Variants in KCNT2 observed in about 807,000 individuals in gnomAD.
KCNT2 encodes the protein potassium channel subfamily T member 2.
KCNT2 carries 67 observed loss-of-function variants against 153.8 expected under a neutral mutation model. The observed-to-expected ratio is 0.44, with a 90% CI of 0.36 to 0.53. The LOEUF (loss-of-function observed/expected upper bound fraction) is 0.53. Among genes scored for constraint, KCNT2 ranks in the 20% least tolerant of loss-of-function variants. KCNT2 has a pLI of 0.00. For missense variants in KCNT2, 975 were observed against 1,354.8 expected, an observed-to-expected ratio of 0.72 and a Z score of 4.40; for synonymous variants, 500 against 458.8, an observed-to-expected ratio of 1.09 and a Z score of -1.15.
Position 196,258,478 on chromosome 1 carries a change from C to A in KCNT2, c.2927G>T (p.Ser976Ile). 6.3e-7 allele frequency: 1 copy of A among 1,585,548 alleles called. No individual in the cohort carries two copies. Among genetic ancestry groups the A allele is most frequent in the Non-Finnish European group, 8.6e-7 (1 of 1,158,384 alleles). The change falls in exon 26 of 28, where the codon AGT (serine) becomes ATT (isoleucine). Residue 976 changes from serine to isoleucine, a missense_variant. Physicochemically the swap from Ser to Ile is moderately radical, Grantham distance 142. Coordinates refer to ENST00000294725, the MANE Select transcript of KCNT2 (RefSeq NM_198503.5). ...TTTGGTGTCTTCCCACTCTTCTACA[C>A]TGATAGATATTTGAGACTTTAAAGG... ...LTTSESQISI[S>I]VEEWEDTKDS...
chr1:196,271,215 T>C (rs1192417383), intron 25 of KCNT2, among the ~76,000 whole-genome samples: 2 of 152,078 alleles, frequency 1.3e-5, no homozygotes, highest in African/African-American at 4.8e-5. Flanking sequence ...CTTATGTAAA[T>C]AGTCTATCTA....
intron 1 of KCNT2, among the ~76,000 whole-genome samples, chr1:196,494,960 T>C (rs1175495559): frequency 6.6e-6 from 1 of 151,298 alleles, no homozygotes; most frequent in Non-Finnish European, 1.5e-5. Flanking sequence ...GACAACAGCA[T>C]GCGAGCCACT....
At chr1:196,260,767 G>C (rs936434866) in intron 25 of KCNT2, among the ~76,000 whole-genome samples, 17 of 151,678 alleles carry the variant, frequency 1.1e-4, no homozygotes, top group African/African-American at 4.1e-4. Flanking sequence ...TTTGAGTTCT[G>C]TTTTGAATGT....
At chr1:196,313,976 G>A (rs1189457085) in intron 21 of KCNT2, among the ~76,000 whole-genome samples, 1 of 151,438 alleles carries the variant, frequency 6.6e-6, no homozygotes, top group African/African-American at 2.4e-5. Flanking sequence ...TCAACAAGTG[G>A]TAATCACATC....
rs80000534 is a variant in KCNT2 at position 196,607,890 on chromosome 1, C to T, written c.95+325G>A. 7.1e-3 allele frequency among the ~76,000 whole-genome samples: 1,080 copies of T among 152,240 alleles called. 9 individuals are homozygous for T. The highest frequency in any genetic ancestry group is 0.025 in the African/African-American group (1,035 of 41,542). ...ATTTTCTGGAAATGATATTGCATAC[C>T]ATTTGGGTGTATTGTACCTCTGATA... On this transcript the variant is annotated intron_variant, in intron 1 of 27. Coordinates refer to ENST00000294725, the MANE Select transcript of KCNT2 (RefSeq NM_198503.5).
intron 1 of KCNT2, among the ~76,000 whole-genome samples, chr1:196,568,848 C>A (rs1186852754): frequency 6.6e-6 from 1 of 151,662 alleles, no homozygotes; most frequent in East Asian, 1.9e-4. Context: ...TGAATGCATG[C>A]CAGAAAGACA....
chr1:196,514,647 T>C (rs1681904270), intron 1 of KCNT2, among the ~76,000 whole-genome samples: 1 of 152,214 alleles, frequency 6.6e-6, no homozygotes, highest in Non-Finnish European at 1.5e-5. Flanking sequence ...TTTAAATGTG[T>C]TGCATTTGTA....
At chr1:196,420,923 C>A (rs543313680) in intron 12 of KCNT2, among the ~76,000 whole-genome samples, 1 of 152,152 alleles carries the variant, frequency 6.6e-6, no homozygotes, top group Non-Finnish European at 1.5e-5. Flanking sequence ...TGGATATGTA[C>A]AGGGGTTCAA....
chr1:196,430,233 C>T (rs1468892330), intron 8 of KCNT2, among the ~76,000 whole-genome samples: 1 of 151,698 alleles, frequency 6.6e-6, no homozygotes. Flanking sequence ...TGAATGCTGT[C>T]CCCTCCAAAA....
chr1:196,386,533 C>T (rs1232729068), intron 13 of KCNT2, among the ~76,000 whole-genome samples: 1 of 151,950 alleles, frequency 6.6e-6, no homozygotes, highest in Non-Finnish European at 1.5e-5. Context: ...TTCTTTCTAC[C>T]AAAGGGCAAA....
At position 196,315,916 on chromosome 1, in the gene KCNT2, A is replaced by G. The variant is rs1662668587; in HGVS notation, c.2459T>C (p.Ile820Thr). 1.2e-6 allele frequency: 2 copies of G among 1,607,746 alleles called. No individual in the cohort carries two copies. The highest frequency in any genetic ancestry group is 8.5e-7 in the Non-Finnish European group (1 of 1,176,584). ...EEDYMADAKTIVNVQTLFRLF... is the reference protein window; with the variant it reads ...EEDYMADAKTTVNVQTLFRLF... ...CCTGAAGAGTGTCTGCACGTTCACA[A>G]TGGTTTTGGCATCTGCCATGTAGTC... is the stretch of plus-strand genomic sequence containing the variant. Residue 820 changes from isoleucine to threonine, a missense_variant, in exon 21 of 28, where the codon ATT (isoleucine) becomes ACT (threonine). By Grantham distance (89) the Ile-to-Thr change is moderately conservative (BLOSUM62 -1). Coordinates refer to ENST00000294725, the MANE Select transcript of KCNT2 (RefSeq NM_198503.5).
intron 1 of KCNT2, among the ~76,000 whole-genome samples, chr1:196,537,495 T>C (rs573872076): frequency 6.6e-6 from 1 of 152,180 alleles, no homozygotes; most frequent in South Asian, 2.1e-4. Flanking sequence ...CCAGCACTCG[T>C]GGTATGTTGG....
chr1:196,576,582 CAT>C (rs958915192), intron 1 of KCNT2, among the ~76,000 whole-genome samples: 2 of 151,866 alleles, frequency 1.3e-5, no homozygotes, highest in African/African-American at 4.8e-5. Context: ...TATGAATAAA[CAT>C]ATGTATTTCA....
In KCNT2 at chr1:196,316,916, G is replaced by A. The variant is rs1662783478; in HGVS notation, c.2349-890C>T. Among the ~76,000 whole-genome samples the A allele has an allele frequency of 2.6e-5, 4 of 151,746 alleles. No homozygotes were observed. The South Asian group carries it at 8.3e-4, about 31-fold the overall frequency. On this transcript the variant is annotated intron_variant, in intron 20 of 27. Transcript: ENST00000294725. The stretch of plus-strand genomic sequence containing the variant: ...TTGAATGAGTACAAGAATGTTCTAG[G>A]TACAGAGTTGATTGAAGACAGATAA...
chr1:196,438,701 A>C (rs1674947494), intron 8 of KCNT2, among the ~76,000 whole-genome samples: 1 of 151,870 alleles, frequency 6.6e-6, no homozygotes, highest in African/African-American at 2.4e-5. Flanking sequence ...GTTTTAAAGG[A>C]TTACTTATCA....
intron 1 of KCNT2, among the ~76,000 whole-genome samples, chr1:196,596,054 G>GTATATATATATA (rs766378425): frequency 1.7e-4 from 23 of 138,502 alleles, no homozygotes; most frequent in African/African-American, 5.9e-4. Context: ...ATTCCATGAT[G>GTATATATATATA]TGTATATATA....
At chr1:196,327,956 C>T (rs944121318) in intron 18 of KCNT2, among the ~76,000 whole-genome samples, 1 of 151,918 alleles carries the variant, frequency 6.6e-6, no homozygotes, top group Non-Finnish European at 1.5e-5. Context: ...ATATTCTTTG[C>T]CATTATTCTT....
At chr1:196,319,703 T>C (rs1427458245) in intron 19 of KCNT2, 148 bp from the exon 20 acceptor site, 2 of 490,062 alleles carry the variant, frequency 4.1e-6, no homozygotes, top group African/African-American at 2.0e-5. Context: ...TTCTTAACAT[T>C]AACTAGAAAA....
intron 1 of KCNT2, among the ~76,000 whole-genome samples, chr1:196,569,005 C>A (rs1283344048): frequency 6.6e-6 from 1 of 152,088 alleles, no homozygotes; most frequent in Non-Finnish European, 1.5e-5. Context: ...AGGAGTCACT[C>A]ATCATTGCTG....
Sources: gnomAD v4.1 joint callset for allele counts (sites outside exome capture counted in the v4.1 genomes callset) on GRCh38, gnomAD v4.1.1 for gene constraint, MANE v1.5 for transcripts, NCBI Gene and HGNC (gene_info 2026-07-23, HGNC 2026-07-21) for gene names.